The following LRP5 variants were observed in gnomAD, a reference collection of about 807,000 sequenced individuals.
LRP5 encodes the protein LDL receptor related protein 5, also known as low-density lipoprotein receptor-related protein 5.
A neutral mutation model predicts 154.1 loss-of-function variants in LRP5; 62 were observed. The ratio of observed to expected loss-of-function variants is 0.40; its 90% CI spans 0.33 to 0.50. LRP5 has a LOEUF of 0.50. Among genes scored for constraint, LRP5 ranks in the 20% least tolerant of loss-of-function variants. The pLI, the probability that LRP5 is intolerant of heterozygous loss-of-function variation, is 0.55. For synonymous variants in LRP5, 966 were observed against 1,011.5 expected (o/e 0.96, Z 0.85); for missense variants, 1,915 against 2,336.7 (o/e 0.82, Z 3.72).
At chr11:68,392,897 C>T (rs897223695) in intron 7 of LRP5, among the ~76,000 whole-genome samples, 2 of 152,012 alleles carry the variant, frequency 1.3e-5, no homozygotes, top group Non-Finnish European at 2.9e-5. Flanking sequence ...GAGGCCAAGG[C>T]GGGACGATCA....
At chr11:68,304,400 T>C in the LRP5 span, among the ~76,000 whole-genome samples, 1 of 152,086 alleles carries the variant, frequency 6.6e-6, no homozygotes, top group Non-Finnish European at 1.5e-5. Flanking sequence ...TGTCAGAGGA[T>C]GTATGAGAAA....
At chr11:68,327,806 C>T (rs1357673049) in intron 1 of LRP5, among the ~76,000 whole-genome samples, 1 of 152,170 alleles carries the variant, frequency 6.6e-6, no homozygotes, top group Non-Finnish European at 1.5e-5. Context: ...GAATGTGTTT[C>T]GTCCTGTGCA....
intron 22 of LRP5, chr11:68,446,969 A>C: frequency 3.5e-6 from 1 of 285,496 alleles, no homozygotes; most frequent in South Asian, 3.3e-5. Context: ...CCCACCGTAG[A>C]CCCCTAATCG....
At chr11:68,318,614 C>T (rs1422690881) in intron 1 of LRP5, among the ~76,000 whole-genome samples, 1 of 152,184 alleles carries the variant, frequency 6.6e-6, no homozygotes, top group Non-Finnish European at 1.5e-5. Flanking sequence ...GCTGGGATTA[C>T]AGACATGAGC....
chr11:68,409,526 C>T (rs1405011772), intron 9 of LRP5, among the ~76,000 whole-genome samples: 2 of 151,772 alleles, frequency 1.3e-5, no homozygotes, highest in African/African-American at 4.8e-5. Flanking sequence ...TGCCAGTGGC[C>T]AAGCATCTCG....
chr11:68,379,468 G>A (rs1013819289), intron 5 of LRP5, among the ~76,000 whole-genome samples: 3 of 152,180 alleles, frequency 2.0e-5, no homozygotes, highest in African/African-American at 7.2e-5. Context: ...GGCCCTTCCA[G>A]AAGCGGGAGA....
chr11:68,361,262 G>A (rs188498287), intron 3 of LRP5, among the ~76,000 whole-genome samples: 3,732 of 146,300 alleles, frequency 0.026, 116 homozygotes, highest in African/African-American at 0.079. Context: ...CTGAGATCCC[G>A]CCACTGCACT....
In LRP5 at chr11:68,386,736, C is replaced by T; in HGVS notation, c.1412+24C>T. Reference sequence around the variant, plus strand: ...GGGTAAGACGGGCGGGGGCTGGGGCCTGGAGCCAGGGCCAGGCCAAGCACA... The same window carrying T: ...GGGTAAGACGGGCGGGGGCTGGGGCTTGGAGCCAGGGCCAGGCCAAGCACA... On this transcript the variant is annotated intron_variant, in intron 6 of 22. Coordinates refer to ENST00000294304, the MANE Select transcript of LRP5 (RefSeq NM_002335.4). The surrounding 1 kb of genome is among the most constrained non-coding windows in gnomAD (Gnocchi z 7.9). The T allele has an allele frequency of 6.2e-7, 1 of 1,606,474 alleles. No individual in the cohort carries two copies. The highest frequency in any genetic ancestry group is 1.3e-5 in the African/African-American group (1 of 74,952).
chr11:68,318,356 T>C (rs2098594695), intron 1 of LRP5, among the ~76,000 whole-genome samples: 1 of 151,746 alleles, frequency 6.6e-6, no homozygotes, highest in East Asian at 1.9e-4. Flanking sequence ...GCTTTTTTTT[T>C]TTTTTTTGAG....
chr11:68,429,720 T>C lies in LRP5; in HGVS notation c.3763+20T>C. On this transcript the variant is annotated intron_variant, in intron 17 of 22. Coordinates refer to ENST00000294304, the MANE Select transcript of LRP5 (RefSeq NM_002335.4). Reference sequence around the variant, plus strand: ...GTGGAGGTAGGTGTGACCTAGGTGCTCCTTTGGGGTGATGGACAGGTACCT... The same window carrying C: ...GTGGAGGTAGGTGTGACCTAGGTGCCCCTTTGGGGTGATGGACAGGTACCT... The C allele has an allele frequency of 1.2e-6, 2 of 1,613,904 alleles. No homozygotes were observed. Among genetic ancestry groups the C allele is most frequent in the Non-Finnish European group, 1.7e-6 (2 of 1,179,998 alleles).
upstream of LRP5, among the ~76,000 whole-genome samples, chr11:68,312,193 T>TA (rs1458405878): frequency 6.6e-6 from 1 of 152,138 alleles, no homozygotes; most frequent in East Asian, 1.9e-4. Context: ...CCTCCACAGG[T>TA]GAGAACAAGT....
intron 7 of LRP5, among the ~76,000 whole-genome samples, chr11:68,394,581 T>C (rs2098648181): frequency 6.6e-6 from 1 of 152,066 alleles, no homozygotes; most frequent in South Asian, 2.1e-4. Flanking sequence ...TTCTCCTGCC[T>C]CAGCCTCCCG....
At chr11:68,345,488 T>C (rs1183284647) in intron 1 of LRP5, among the ~76,000 whole-genome samples, 1 of 151,886 alleles carries the variant, frequency 6.6e-6, no homozygotes, top group Admixed American at 6.6e-5. Flanking sequence ...GGTTTCACCA[T>C]GTTGGCCAGG....
chr11:68,405,329 G>T (rs988009321), intron 8 of LRP5, among the ~76,000 whole-genome samples: 3 of 151,746 alleles, frequency 2.0e-5, no homozygotes, highest in Non-Finnish European at 4.4e-5. Flanking sequence ...AAATTAGCCC[G>T]GCATGGTGGC....
chr11:68,313,157 C>G (rs2098589943), intron 1 of LRP5, among the ~76,000 whole-genome samples: 1 of 148,988 alleles, frequency 6.7e-6, no homozygotes, highest in African/African-American at 2.5e-5. Context: ...GGGCACCGAG[C>G]GGGGACTTGG....
At chr11:68,323,302 T>G (rs2098597804) in intron 1 of LRP5, among the ~76,000 whole-genome samples, 1 of 150,168 alleles carries the variant, frequency 6.7e-6, no homozygotes, top group Non-Finnish European at 1.5e-5. Flanking sequence ...GGAGATGGAG[T>G]TTCACCATGT....
At chr11:68,330,969 C>T (rs1036361412) in intron 1 of LRP5, among the ~76,000 whole-genome samples, 2 of 152,232 alleles carry the variant, frequency 1.3e-5, no homozygotes, top group Admixed American at 1.3e-4. Flanking sequence ...TTTTCCATTT[C>T]ACTTCTGCCT....
At chr11:68,405,738 A>G (rs2098655285) in intron 8 of LRP5, among the ~76,000 whole-genome samples, 1 of 152,236 alleles carries the variant, frequency 6.6e-6, no homozygotes, top group Non-Finnish European at 1.5e-5. Flanking sequence ...TTGGTTGATG[A>G]GTGAAATTAA....
chr11:68,330,129 G>A (rs528140547), intron 1 of LRP5, among the ~76,000 whole-genome samples: 1 of 152,136 alleles, frequency 6.6e-6, no homozygotes, highest in South Asian at 2.1e-4. Context: ...ATGTGTGCAC[G>A]TGTGTGTGCA....
Sources: gnomAD v4.1 joint callset for allele counts (sites outside exome capture counted in the v4.1 genomes callset) on GRCh38, gnomAD v4.1.1 for gene constraint, Gnocchi (gnomAD v3.1) non-coding constraint, MANE v1.5 for transcripts, NCBI Gene and HGNC (gene_info 2026-07-23, HGNC 2026-07-21) for gene names.